The following NFE2L2 variants were observed in gnomAD, a reference collection of about 807,000 sequenced individuals.
The protein encoded by NFE2L2 is nuclear factor erythroid 2-related factor 2.
Under a neutral mutation model 49.6 loss-of-function variants are expected in NFE2L2, and 20 were observed. The observed-to-expected ratio is 0.40, with a 90% CI of 0.28 to 0.59. The LOEUF (loss-of-function observed/expected upper bound fraction) is 0.59. Ranked by LOEUF, NFE2L2 falls within the 20% of genes least tolerant of loss-of-function variation. NFE2L2 has a pLI of 0.40. For synonymous variants in NFE2L2, 244 were observed against 256.5 expected (o/e 0.95, Z 0.47); for missense variants, 578 against 714.2 (o/e 0.81, Z 2.17).
At chr2:177,232,686 GTC>G in intron 3 of NFE2L2, 103 bp from the exon 4 acceptor site, 1 of 1,131,106 alleles carries the variant, frequency 8.8e-7, no homozygotes, top group Non-Finnish European at 1.3e-6. Context: ...GCAGTTCTGT[GTC>G]TCTCTACTTA....
At chr2:177,242,543 T>A (rs1190397048) in intron 1 of NFE2L2, among the ~76,000 whole-genome samples, 2 of 152,244 alleles carry the variant, frequency 1.3e-5, no homozygotes, top group Non-Finnish European at 2.9e-5. Flanking sequence ...TGGTCCGGTT[T>A]CTTCAATCTG....
At position 177,230,729 on chromosome 2, in the gene NFE2L2, C is replaced by T. The variant is rs1295114106; in HGVS notation, c.*56G>A. 7 of 1,505,994 alleles carry T rather than the reference C, an allele frequency of 4.6e-6. No homozygotes were observed. The Admixed American group carries it at 1.5e-4, about 32-fold the overall frequency. The allele number at this position is 1,505,994 out of a possible 1,614,324, so 93.3% of individuals were successfully genotyped here. ...TGAGCATTTCACATCACAGTAGGAG[C>T]TTTTAGTATAATAGTACAAAAAAAC... is the stretch of plus-strand genomic sequence containing the variant. On this transcript the variant is annotated 3_prime_UTR_variant, in exon 5 of 5. Transcript: ENST00000397062.
At position 177,231,309 on chromosome 2, in the gene NFE2L2, C is replaced by G. The variant is rs748491229; in HGVS notation, c.1294G>C (p.Val432Leu). 5 of 1,614,146 alleles carry G rather than the reference C, an allele frequency of 3.1e-6. No individual in the cohort carries two copies. The African/African-American group carries it at 5.3e-5, about 17-fold the overall frequency. ...CENTPEKELP[V>L]SPGHRKTPFT... ...GGGGTTTTCCGATGACCAGGACTTACAGGCAATTCTTTCTCTGGTGTGTTC... is the reference window on the plus strand; with the variant it reads ...GGGGTTTTCCGATGACCAGGACTTAGAGGCAATTCTTTCTCTGGTGTGTTC... The change falls in exon 5 of 5, where the codon GTA becomes CTA. Residue 432 changes from valine (V) to leucine (L), a missense_variant. Around this residue, in one of 3 missense-constraint regions of NFE2L2, gnomAD observed 368 missense variants for 384.6 expected, o/e 0.96. Coordinates refer to ENST00000397062, the MANE Select transcript of NFE2L2 (RefSeq NM_006164.5).
At chr2:177,235,034 T>C (rs1689692521) in intron 1 of NFE2L2, among the ~76,000 whole-genome samples, 1 of 152,052 alleles carries the variant, frequency 6.6e-6, no homozygotes, top group Non-Finnish European at 1.5e-5. Context: ...GAGAATCGGC[T>C]TGAACCTGGG....
intron 1 of NFE2L2, chr2:177,263,532 TCCC>T: frequency 1.0e-6 from 1 of 985,462 alleles, no homozygotes; most frequent in Non-Finnish European, 1.2e-6. Flanking sequence ...CTCCAACCTG[TCCC>T]TTGGCCCTGG....
chr2:177,245,049 T>C (rs934767266), intron 1 of NFE2L2, among the ~76,000 whole-genome samples: 1 of 150,878 alleles, frequency 6.6e-6, no homozygotes, highest in Non-Finnish European at 1.5e-5. Context: ...CCATTCTCTT[T>C]ATACATCCTT....
intron 1 of NFE2L2, among the ~76,000 whole-genome samples, chr2:177,259,541 T>A (rs1274072111): frequency 6.6e-6 from 1 of 152,166 alleles, no homozygotes; most frequent in African/African-American, 2.4e-5. Context: ...GAGTTATTTA[T>A]TATGGCAGAA....
At chr2:177,240,827 A>G (rs1481983436) in intron 1 of NFE2L2, among the ~76,000 whole-genome samples, 1 of 152,222 alleles carries the variant, frequency 6.6e-6, no homozygotes, top group Non-Finnish European at 1.5e-5. Context: ...AGCATCTATC[A>G]TGCTTAGATG....
In NFE2L2 at chr2:177,231,784, T is replaced by C. The variant is rs368456177; in HGVS notation, c.819A>G (p.Ser273=). ...PNQLTVNSLN[S]DATVNTDFGD... ...CAAAATCTGTGTTGACTGTGGCATC[T>C]GAATTTAATGAGTTCACTGTCAACT... Residue 273 remains serine (S), a synonymous_variant, in exon 5 of 5, where the codon TCA becomes TCG. Transcript: ENST00000397062. The C allele has an allele frequency of 6.2e-7, 1 of 1,614,230 alleles. No individual in the cohort carries two copies. The highest frequency in any genetic ancestry group is 8.5e-7 in the Non-Finnish European group (1 of 1,180,030).
intron 1 of NFE2L2, among the ~76,000 whole-genome samples, chr2:177,246,971 A>G (rs1690154160): frequency 6.6e-6 from 1 of 152,120 alleles, no homozygotes; most frequent in Admixed American, 6.5e-5. Flanking sequence ...ACTTAATAAC[A>G]TAATTATTTA....
chr2:177,246,676 T>G (rs955121122), intron 1 of NFE2L2, among the ~76,000 whole-genome samples: 2 of 151,244 alleles, frequency 1.3e-5, no homozygotes, highest in Non-Finnish European at 2.9e-5. Flanking sequence ...CACAGCTCAC[T>G]GCAGCCTCAA....
At chr2:177,239,487 G>A (rs907126695) in intron 1 of NFE2L2, among the ~76,000 whole-genome samples, 1 of 152,136 alleles carries the variant, frequency 6.6e-6, no homozygotes, top group Non-Finnish European at 1.5e-5. Flanking sequence ...GACCAGCCTG[G>A]GCAACATGGT....
intron 1 of NFE2L2, among the ~76,000 whole-genome samples, chr2:177,259,406 C>G (rs973339437): frequency 2.0e-5 from 3 of 152,048 alleles, no homozygotes; most frequent in African/African-American, 4.8e-5. Flanking sequence ...CTCAAATACA[C>G]AAAAAGACTT....
At chr2:177,254,916 T>A (rs1317253400) in intron 1 of NFE2L2, among the ~76,000 whole-genome samples, 1 of 152,224 alleles carries the variant, frequency 6.6e-6, no homozygotes, top group Non-Finnish European at 1.5e-5. Context: ...GCCAGTTCTG[T>A]CTGTATTCAG....
chr2:177,256,249 A>T (rs1018908979), intron 1 of NFE2L2, among the ~76,000 whole-genome samples: 4 of 152,142 alleles, frequency 2.6e-5, no homozygotes, highest in Non-Finnish European at 5.9e-5. Context: ...AAAGAACTAT[A>T]GTCATTCTTC....
chr2:177,259,661 G>A (rs920935851), intron 1 of NFE2L2, among the ~76,000 whole-genome samples: 6 of 152,044 alleles, frequency 3.9e-5, no homozygotes, highest in East Asian at 1.9e-4. Context: ...GGCCAGGCGC[G>A]GTGGCTTAAG....
intron 1 of NFE2L2, among the ~76,000 whole-genome samples, chr2:177,237,426 A>G (rs1286234013): frequency 6.6e-6 from 1 of 152,246 alleles, no homozygotes; most frequent in African/African-American, 2.4e-5. Context: ...AATAATTTCT[A>G]TTTTAAAAAA....
In NFE2L2 at chr2:177,231,555, T is replaced by C; in HGVS notation, c.1048A>G (p.Thr350Ala). 6.2e-7 allele frequency: 1 copy of C among 1,614,194 alleles called. No homozygotes were observed. The highest frequency in any genetic ancestry group is 1.1e-5 in the South Asian group (1 of 91,088). ...TCTGGTGATGCCACACTGGGACTTG[T>C]GTTTAGTGAAATGCCGGAGTCAGAA... ...NDSDSGISLN[T>A]SPSVASPEHS... Residue 350 changes from threonine (T) to alanine (A), a missense_variant, in exon 5 of 5, where the codon ACA becomes GCA. Around this residue, in one of 3 missense-constraint regions of NFE2L2, gnomAD observed 368 missense variants for 384.6 expected, o/e 0.96. Coordinates refer to ENST00000397062, the MANE Select transcript of NFE2L2 (RefSeq NM_006164.5).
chr2:177,260,027 T>C (rs1331713312), intron 1 of NFE2L2, among the ~76,000 whole-genome samples: 1 of 152,232 alleles, frequency 6.6e-6, no homozygotes, highest in Non-Finnish European at 1.5e-5. Context: ...ACAGAAAACA[T>C]ACCATTAGCA....
Sources: allele counts gnomAD v4.1 joint callset (sites outside exome capture counted in the v4.1 genomes callset), GRCh38; gene constraint gnomAD v4.1.1; regional missense constraint gnomAD v4.1.1; transcripts MANE v1.5; gene names NCBI Gene and HGNC (gene_info 2026-07-23, HGNC 2026-07-21).